The following KIF13B variants were observed in gnomAD, a reference collection of about 807,000 sequenced individuals.
The protein encoded by KIF13B is kinesin-like protein KIF13B.
In KIF13B, 127 loss-of-function variants were observed where a neutral mutation model predicts 222.0. The ratio of observed to expected loss-of-function variants is 0.57; its 90% CI spans 0.50 to 0.66. KIF13B has a LOEUF of 0.66. Ranked by LOEUF, KIF13B falls within the 30% of genes least tolerant of loss-of-function variation. The pLI is 0.00. For synonymous variants in KIF13B, 976 were observed against 919.0 expected, an observed-to-expected ratio of 1.06 and a Z score of -1.12; for missense variants, 2,173 against 2,379.0, an observed-to-expected ratio of 0.91 and a Z score of 1.80.
chr8:29,107,836 A>AGG (rs1809163250), intron 35 of KIF13B, among the ~76,000 whole-genome samples: 2 of 151,020 alleles, frequency 1.3e-5, no homozygotes, highest in Non-Finnish European at 2.9e-5. Flanking sequence ...CTGGGATTAC[A>AGG]TACGTGAGCC....
chr8:29,115,281 C>T (rs1809539622), intron 31 of KIF13B, among the ~76,000 whole-genome samples: 1 of 150,456 alleles, frequency 6.6e-6, no homozygotes, highest in Admixed American at 6.6e-5. Flanking sequence ...TCCCCAGACG[C>T]AATCTCCCAA....
Position 29,180,210 on chromosome 8 carries a change from T to C in KIF13B, c.614A>G (p.Asn205Ser), listed in dbSNP as rs1300129201. ...KDIESLMSEGNKSRTVAATNM... is the reference protein window; with the variant it reads ...KDIESLMSEGSKSRTVAATNM... ...GGTTGCAGCAACTGTGCGAGATTTG[T>C]TACCCTCAGACATCAACGACTCAAT... is the stretch of plus-strand genomic sequence containing the variant. The change falls in exon 8 of 40, where the codon AAC becomes AGC. Residue 205 changes from asparagine (N) to serine (S), a missense_variant. Asn to Ser is a conservative substitution (Grantham distance 46). This residue lies in a region of KIF13B where 1,480 missense variants were observed against 1,722.8 expected (regional missense o/e 0.86). Coordinates refer to ENST00000524189, the MANE Select transcript of KIF13B (RefSeq NM_015254.4). 1.9e-6 allele frequency: 3 copies of C among 1,613,920 alleles called. No homozygotes were observed. Among genetic ancestry groups the C allele is most frequent in the Non-Finnish European group, 2.5e-6 (3 of 1,179,900 alleles).
At chr8:29,214,456 C>T (rs1056185915) in intron 2 of KIF13B, among the ~76,000 whole-genome samples, 4 of 152,150 alleles carry the variant, frequency 2.6e-5, no homozygotes, top group Admixed American at 6.5e-5. Context: ...TCAGTATCAC[C>T]GTCTTCCACC....
At chr8:29,239,157 G>A (rs192531946) in intron 2 of KIF13B, among the ~76,000 whole-genome samples, 42 of 152,232 alleles carry the variant, frequency 2.8e-4, no homozygotes, top group South Asian at 8.3e-4. Context: ...CCATACACAC[G>A]TAATAGAAGA....
chr8:29,237,595 G>T (rs1446900174), intron 2 of KIF13B, among the ~76,000 whole-genome samples: 1 of 152,116 alleles, frequency 6.6e-6, no homozygotes, highest in East Asian at 1.9e-4. Context: ...ACCAAAAGTA[G>T]TAAAAGCATG....
intron 14 of KIF13B, among the ~76,000 whole-genome samples, chr8:29,151,786 T>G (rs4732910): frequency 0.18 from 27,633 of 149,430 alleles, 2,716 homozygotes; most frequent in Admixed American, 0.3. Flanking sequence ...GAATGTTGTT[T>G]TCATGCCTGA....
Position 29,075,263 on chromosome 8 carries a change from G to C in KIF13B, c.4521+18C>G. 6.4e-7 allele frequency: 1 copy of C among 1,552,236 alleles called. No homozygotes were observed. Among genetic ancestry groups the C allele is most frequent in the Non-Finnish European group, 8.7e-7 (1 of 1,147,418 alleles). On this transcript the variant is annotated intron_variant, in intron 38 of 39. Transcript: ENST00000524189. ...CTCGCTGTAGGTGGGGTGGCCACCC[G>C]TGACCCAACAGACTCACCTCCTCCA...
intron 6 of KIF13B, among the ~76,000 whole-genome samples, chr8:29,182,796 A>G (rs1483543636): frequency 3.3e-5 from 5 of 152,168 alleles, no homozygotes; most frequent in Admixed American, 3.3e-4. Flanking sequence ...TAAGTTCTTG[A>G]GATCTACTGC....
intron 36 of KIF13B, among the ~76,000 whole-genome samples, chr8:29,094,648 G>C (rs999693926): frequency 6.6e-6 from 1 of 152,048 alleles, no homozygotes; most frequent in Non-Finnish European, 1.5e-5. Context: ...AAATACATTT[G>C]GTAAAACATT....
intron 21 of KIF13B, among the ~76,000 whole-genome samples, chr8:29,137,079 C>T (rs969307708): frequency 6.6e-6 from 1 of 152,100 alleles, no homozygotes; most frequent in African/African-American, 2.4e-5. Context: ...GGATTACAGA[C>T]GTGAGCCGCC....
intron 2 of KIF13B, among the ~76,000 whole-genome samples, chr8:29,209,006 G>A (rs768034867): frequency 6.6e-6 from 1 of 152,172 alleles, no homozygotes; most frequent in African/African-American, 2.4e-5. Flanking sequence ...CTGTTTGTTC[G>A]CATTTGCATG....
At chr8:29,232,758 C>T (rs1295883242) in intron 2 of KIF13B, among the ~76,000 whole-genome samples, 1 of 152,160 alleles carries the variant, frequency 6.6e-6, no homozygotes, top group African/African-American at 2.4e-5. Context: ...ATCATAGATA[C>T]TTGTTTCTGC....
chr8:29,123,312 G>T, intron 28 of KIF13B, 54 bp downstream of exon 28: 1 of 1,591,634 alleles, frequency 6.3e-7, no homozygotes, highest in Non-Finnish European at 8.6e-7. Context: ...CAAGCTAAAA[G>T]CAAGTGGCTT....
At chr8:29,093,037 A>T (rs1212642610) in intron 36 of KIF13B, among the ~76,000 whole-genome samples, 159 bp from the exon 37 acceptor site, 22 of 152,214 alleles carry the variant, frequency 1.4e-4, no homozygotes, top group Admixed American at 1.4e-3. Flanking sequence ...AGTTTACATA[A>T]TTTCCCTCAA....
intron 2 of KIF13B, among the ~76,000 whole-genome samples, chr8:29,227,952 A>C (rs1295089009): frequency 1.3e-5 from 2 of 152,130 alleles, no homozygotes; most frequent in Non-Finnish European, 2.9e-5. Context: ...CTTTAAAAAA[A>C]ATTTTTTTTA....
intron 25 of KIF13B, 42 bp from the exon 26 acceptor site, chr8:29,126,553 T>C (rs766313470): frequency 2.4e-5 from 29 of 1,194,422 alleles, no homozygotes; most frequent in Non-Finnish European, 3.6e-5. Context: ...ATTATTGATT[T>C]ATCCAAGAAT....
chr8:29,091,053 G>A (rs1448161861), intron 37 of KIF13B, among the ~76,000 whole-genome samples: 3 of 152,152 alleles, frequency 2.0e-5, no homozygotes, highest in Non-Finnish European at 4.4e-5. Context: ...CAAAATATTT[G>A]TATGAGGCCA....
chr8:29,108,159 A>G lies in KIF13B; in HGVS notation c.4195T>C (p.Tyr1399His), dbSNP rs769656377. The G allele has an allele frequency of 6.2e-7, 1 of 1,612,282 alleles. No homozygotes were observed. The highest frequency in any genetic ancestry group is 2.2e-5 in the East Asian group (1 of 44,872). The change falls in exon 35 of 40, where the codon TAC becomes CAC. Residue 1399 changes from tyrosine (Y) to histidine (H), a missense_variant. By Grantham distance (83) the Tyr-to-His change is moderately conservative. Coordinates refer to ENST00000524189, the MANE Select transcript of KIF13B (RefSeq NM_015254.4). ...SGSRQDLIPS[Y>H]SLGSNKGRWE... ...CCTACCTTGTTGCTGCCTAGACTGTATGATGGAATGAGATCTTGTCGGCTT... is the reference window on the plus strand; with the variant it reads ...CCTACCTTGTTGCTGCCTAGACTGTGTGATGGAATGAGATCTTGTCGGCTT...
At chr8:29,261,926 A>G (rs1816694576) in intron 1 of KIF13B, among the ~76,000 whole-genome samples, 3 of 152,232 alleles carry the variant, frequency 2.0e-5, no homozygotes, top group African/African-American at 4.8e-5. Context: ...AAAACAACCT[A>G]TAATTTCTAC....
Sources: allele counts gnomAD v4.1 joint callset (sites outside exome capture counted in the v4.1 genomes callset), GRCh38; gene constraint gnomAD v4.1.1; regional missense constraint gnomAD v4.1.1; transcripts MANE v1.5; gene names NCBI Gene and HGNC (gene_info 2026-07-23, HGNC 2026-07-21).